Variants in CDCA2 observed in about 807,000 individuals in gnomAD.
CDCA2 encodes cell division cycle-associated protein 2.
Under a neutral mutation model 67.0 loss-of-function variants are expected in CDCA2, and 44 were observed. That is an observed-to-expected ratio of 0.66 (90% CI 0.52 to 0.84). CDCA2 has a LOEUF of 0.84. CDCA2 is among the 40% of genes least tolerant of loss of function. The pLI, the probability that CDCA2 is intolerant of heterozygous loss-of-function variation, is 0.00. For missense variants in CDCA2, 1,253 were observed against 1,203.2 expected (o/e 1.04, Z -0.61); for synonymous variants, 447 against 418.7 (o/e 1.07, Z -0.82).
rs370193607 is a variant in CDCA2 at position 25,507,749 on chromosome 8, C to T, written c.*11C>T. On this transcript the variant is annotated 3_prime_UTR_variant, in exon 15 of 15. Transcript: ENST00000330560. ...GAAAGAAAGCAGTAATTGACATTTC[C>T]TGCAGAGTCTGTGGCAAGAGGGAAA... 9 of 1,602,104 alleles carry T rather than the reference C, an allele frequency of 5.6e-6. No individual in the cohort carries two copies. Among genetic ancestry groups the T allele is most frequent in the Non-Finnish European group, 6.8e-6 (8 of 1,175,248 alleles).
chr8:25,489,281 C>A (rs1167815433), intron 13 of CDCA2, among the ~76,000 whole-genome samples: 2 of 152,132 alleles, frequency 1.3e-5, no homozygotes, highest in Admixed American at 6.5e-5. Flanking sequence ...TTGTTACTGC[C>A]CGTGTAGCAG....
rs149843504 is a variant in CDCA2, at chr8:25,482,283, G to A, written c.1033-1116G>A. Reference sequence around the variant, plus strand: ...TAAAAAGATTCAAATACTAAGAATAGGTGTGGTTCCCATGTTTAAAAGACA... The same window carrying A: ...TAAAAAGATTCAAATACTAAGAATAAGTGTGGTTCCCATGTTTAAAAGACA... On this transcript the variant is annotated intron_variant, in intron 8 of 14. Coordinates refer to ENST00000330560, the MANE Select transcript of CDCA2 (RefSeq NM_152562.4). 2.4e-3 allele frequency among the ~76,000 whole-genome samples: 359 copies of A among 152,308 alleles called. 2 individuals are homozygous for A. In the South Asian group the frequency reaches 0.028, roughly 12 times the overall value.
At chr8:25,471,478 C>T (rs756079546) in intron 7 of CDCA2, among the ~76,000 whole-genome samples, 9 of 152,084 alleles carry the variant, frequency 5.9e-5, no homozygotes, top group African/African-American at 1.9e-4. Context: ...TTATCTGCCT[C>T]GGCCTCCCAA....
At position 25,490,417 on chromosome 8, in the gene CDCA2, C is replaced by A. The variant is rs552242697; in HGVS notation, c.1671+1728C>A. ...ATGAGGAGGGGTATTGAGAAGCCGA[C>A]GACAGCCTTCAATGAATTTCTAGAA... On this transcript the variant is annotated intron_variant, in intron 13 of 14. Transcript: ENST00000330560. 4.0e-5 allele frequency among the ~76,000 whole-genome samples: 6 copies of A among 151,598 alleles called. No individual in the cohort carries two copies. In the East Asian group the frequency reaches 9.8e-4, roughly 25 times the overall value.
chr8:25,502,109 A>G (rs556165803), intron 13 of CDCA2, among the ~76,000 whole-genome samples: 1 of 152,098 alleles, frequency 6.6e-6, no homozygotes, highest in Admixed American at 6.5e-5. Context: ...GTTGGCCAGG[A>G]TGGTCTCGAT....
intron 13 of CDCA2, among the ~76,000 whole-genome samples, chr8:25,502,958 G>C (rs1217372799): frequency 1.3e-5 from 2 of 151,960 alleles, no homozygotes; most frequent in East Asian, 3.9e-4. Context: ...ATAAAGCACT[G>C]TATGAACAAT....
chr8:25,471,192 G>C (rs904558233), intron 7 of CDCA2, among the ~76,000 whole-genome samples: 8 of 152,130 alleles, frequency 5.3e-5, no homozygotes, highest in Non-Finnish European at 1.2e-4. Flanking sequence ...CCTTCAACCT[G>C]AAAAAGAACT....
At chr8:25,479,389 C>T (rs776177167) in intron 7 of CDCA2, among the ~76,000 whole-genome samples, 6 of 152,162 alleles carry the variant, frequency 3.9e-5, no homozygotes, top group Non-Finnish European at 7.3e-5. Flanking sequence ...CATAAGGCAA[C>T]GCTCTCCTGT....
At position 25,485,819 on chromosome 8, in the gene CDCA2, A is replaced by G. The variant is rs751215220; in HGVS notation, c.1426A>G (p.Ile476Val). 1.6e-5 allele frequency: 26 copies of G among 1,599,572 alleles called. No homozygotes were observed. The highest frequency in any genetic ancestry group is 1.7e-4 in the Middle Eastern group (1 of 6,018). ...TCTCAGTTCTCCTAATAAATCATCAATCTCTGAGACCCTTTCAGGTAGTAA... is the reference window on the plus strand; with the variant it reads ...TCTCAGTTCTCCTAATAAATCATCAGTCTCTGAGACCCTTTCAGGTAGTAA... ...AVLSSPNKSS[I>V]SETLSGTDTF... Residue 476 changes from isoleucine (I) to valine (V), a missense_variant, in exon 11 of 15, where the codon ATC becomes GTC. Coordinates refer to ENST00000330560, the MANE Select transcript of CDCA2 (RefSeq NM_152562.4).
chr8:25,505,922 G>C (rs1009587761), intron 14 of CDCA2, among the ~76,000 whole-genome samples: 2 of 152,114 alleles, frequency 1.3e-5, no homozygotes, highest in Non-Finnish European at 2.9e-5. Flanking sequence ...TTTAGTCAAA[G>C]GCTGAGGAAT....
intron 6 of CDCA2, 50 bp from the exon 7 acceptor site, chr8:25,469,846 A>G (rs370458379): frequency 2.6e-6 from 3 of 1,145,150 alleles, no homozygotes; most frequent in African/African-American, 3.1e-5. Flanking sequence ...AAAAGGCATT[A>G]GTAGTACTCT....
intron 10 of CDCA2, among the ~76,000 whole-genome samples, chr8:25,485,145 C>T (rs527915121): frequency 8.0e-5 from 12 of 150,822 alleles, no homozygotes; most frequent in South Asian, 6.3e-4. Flanking sequence ...CATAACAAAC[C>T]TGCATGTTGT....
chr8:25,490,338 C>A (rs1803952860), intron 13 of CDCA2, among the ~76,000 whole-genome samples: 1 of 151,590 alleles, frequency 6.6e-6, no homozygotes, highest in Admixed American at 6.6e-5. Flanking sequence ...TGAATTAATA[C>A]CATTTAGGTA....
chr8:25,490,880 T>A (rs114162585), intron 13 of CDCA2, among the ~76,000 whole-genome samples: 496 of 152,286 alleles, frequency 3.3e-3, no homozygotes, highest in African/African-American at 0.012. Flanking sequence ...AGAGGAAACC[T>A]ATATACCAAC....
chr8:25,502,294 G>A (rs1289574224), intron 13 of CDCA2, among the ~76,000 whole-genome samples: 1 of 152,100 alleles, frequency 6.6e-6, no homozygotes, highest in Non-Finnish European at 1.5e-5. Flanking sequence ...ATAACAGTCT[G>A]TCTTTCTAGT....
chr8:25,492,101 A>AT (rs543432587), intron 13 of CDCA2, among the ~76,000 whole-genome samples: 46 of 145,716 alleles, frequency 3.2e-4, no homozygotes, highest in South Asian at 1.1e-3. Flanking sequence ...TGGCTGGCTA[A>AT]TTTTTTTTTA....
At chr8:25,484,255 TC>T (rs1803681037) in intron 10 of CDCA2, 45 bp downstream of exon 10, 1 of 1,602,630 alleles carries the variant, frequency 6.2e-7, no homozygotes, top group Non-Finnish European at 8.5e-7. Context: ...TGTATTTTCA[TC>T]AGGCTTCACC....
chr8:25,469,953 C>T lies in CDCA2; in HGVS notation c.793C>T (p.Leu265Phe), dbSNP rs184433724. 1.1e-5 allele frequency: 17 copies of T among 1,611,096 alleles called. No individual in the cohort carries two copies. The Admixed American group carries it at 2.8e-4, about 27-fold the overall frequency. ...SGFLVEESLP[L>F]SELTETSNAL... ...ATTTTTAGTTGAAGAGTCTCTTCCC[C>T]TTTCAGAGCTCACAGAGACTTCAAA... is the stretch of plus-strand genomic sequence containing the variant. Residue 265 changes from leucine to phenylalanine, a missense_variant, in exon 7 of 15, where the codon CTT (leucine) becomes TTT (phenylalanine). Transcript: ENST00000330560.
chr8:25,500,364 C>T (rs1384673969), intron 13 of CDCA2, among the ~76,000 whole-genome samples: 1 of 150,198 alleles, frequency 6.7e-6, no homozygotes, highest in Non-Finnish European at 1.5e-5. Context: ...TACAATAATA[C>T]TAATAACATA....
Sources: gnomAD v4.1 joint callset for allele counts (sites outside exome capture counted in the v4.1 genomes callset) on GRCh38, gnomAD v4.1.1 for gene constraint, MANE v1.5 for transcripts, NCBI Gene and HGNC (gene_info 2026-07-23, HGNC 2026-07-21) for gene names.